Variants in SNX29 observed in about 807,000 individuals in gnomAD.
The protein encoded by SNX29 is sorting nexin-29.
A neutral mutation model predicts 102.1 loss-of-function variants in SNX29; 78 were observed. The ratio of observed to expected loss-of-function variants is 0.76; its 90% CI spans 0.64 to 0.92. SNX29 has a LOEUF of 0.92. Ranked by LOEUF, SNX29 falls within the 40% of genes least tolerant of loss-of-function variation. The pLI is 0.00. For missense variants in SNX29, 1,280 were observed against 1,061.7 expected, an observed-to-expected ratio of 1.21 and a Z score of -2.86; for synonymous variants, 580 against 414.5, an observed-to-expected ratio of 1.40 and a Z score of -4.85.
At chr16:12,009,366 G>A (rs959481605) in intron 3 of SNX29, among the ~76,000 whole-genome samples, 2 of 151,916 alleles carry the variant, frequency 1.3e-5, no homozygotes, top group South Asian at 2.1e-4. Flanking sequence ...GGATGTGTGT[G>A]AGCATGTTTT....
At chr16:12,200,346 C>A (rs1296198316) in intron 14 of SNX29, among the ~76,000 whole-genome samples, 5 of 152,148 alleles carry the variant, frequency 3.3e-5, no homozygotes, top group African/African-American at 1.2e-4. Context: ...TTTCTCAGGG[C>A]AGCCTGAAGA....
At chr16:12,333,507 A>G (rs2081356811) in intron 15 of SNX29, among the ~76,000 whole-genome samples, 6 of 152,268 alleles carry the variant, frequency 3.9e-5, no homozygotes, top group Admixed American at 3.9e-4. Flanking sequence ...GATCAATTAC[A>G]TCTGATCAAT....
At chr16:12,316,018 T>C (rs1596876545) in intron 15 of SNX29, among the ~76,000 whole-genome samples, 2 of 152,328 alleles carry the variant, frequency 1.3e-5, no homozygotes, top group Non-Finnish European at 2.9e-5. Flanking sequence ...TGTTCTCAGA[T>C]ACAGCTGAGT....
chr16:12,235,805 G>A (rs563975849), intron 14 of SNX29, among the ~76,000 whole-genome samples: 2 of 152,028 alleles, frequency 1.3e-5, no homozygotes, highest in South Asian at 2.1e-4. Context: ...GTGTGTGTGT[G>A]TGTGTATGTG....
chr16:12,416,128 C>T (rs957934703), intron 18 of SNX29, among the ~76,000 whole-genome samples: 2 of 152,164 alleles, frequency 1.3e-5, no homozygotes, highest in African/African-American at 4.8e-5. Context: ...AGGTAAGGAA[C>T]CCAGAACTGG....
chr16:12,431,717 A>T (rs940764194), intron 18 of SNX29, among the ~76,000 whole-genome samples: 2 of 152,180 alleles, frequency 1.3e-5, no homozygotes, highest in African/African-American at 4.8e-5. Flanking sequence ...TCAGAGTGTC[A>T]AGAATTGAGG....
intron 18 of SNX29, among the ~76,000 whole-genome samples, chr16:12,456,977 T>C (rs1347541323): frequency 1.3e-5 from 2 of 152,146 alleles, no homozygotes; most frequent in African/African-American, 4.8e-5. Flanking sequence ...TTGAGTTGCA[T>C]TGACAGAGTT....
intron 16 of SNX29, among the ~76,000 whole-genome samples, chr16:12,366,042 CA>C (rs55895030): frequency 0.035 from 2,522 of 71,908 alleles, 19 homozygotes; most frequent in African/African-American, 0.081. Flanking sequence ...ACTCTTGTCT[CA>C]AAAAAAAAAA....
At chr16:12,024,397 T>C (rs191253316) in intron 3 of SNX29, among the ~76,000 whole-genome samples, 6 of 152,202 alleles carry the variant, frequency 3.9e-5, no homozygotes, top group Non-Finnish European at 8.8e-5. Context: ...CCACCCGCCT[T>C]GGCCTGCCAA....
At chr16:12,373,158 A>T (rs955018765) in intron 16 of SNX29, 3 of 152,238 alleles carry the variant, frequency 2.0e-5, no homozygotes, top group Non-Finnish European at 4.4e-5. Context: ...TTTAAGAGAC[A>T]GTCTCGCTGT....
At chr16:12,157,492 CCTG>C (rs940163810) in intron 13 of SNX29, among the ~76,000 whole-genome samples, 3 of 152,258 alleles carry the variant, frequency 2.0e-5, no homozygotes, top group Non-Finnish European at 4.4e-5. Context: ...TCCTGGGTGT[CCTG>C]CTCTCCCAGA....
chr16:12,564,511 C>G (rs1027425792), intron 20 of SNX29, among the ~76,000 whole-genome samples: 2 of 152,212 alleles, frequency 1.3e-5, no homozygotes, highest in Admixed American at 6.5e-5. Flanking sequence ...AGAAGGAACT[C>G]AAGTTTTCTG....
At chr16:12,108,804 C>T (rs2053376908) in intron 11 of SNX29, among the ~76,000 whole-genome samples, 1 of 152,070 alleles carries the variant, frequency 6.6e-6, no homozygotes, top group African/African-American at 2.4e-5. Context: ...TTTTCTGTTG[C>T]TTATAACAGA....
chr16:12,218,740 A>G (rs575279606), intron 14 of SNX29, among the ~76,000 whole-genome samples: 11 of 152,122 alleles, frequency 7.2e-5, no homozygotes, highest in Non-Finnish European at 1.3e-4. Context: ...TTCCTCATAG[A>G]TGGAATTTAG....
At chr16:12,395,115 T>G (rs571044656) in intron 16 of SNX29, among the ~76,000 whole-genome samples, 62 of 152,370 alleles carry the variant, frequency 4.1e-4, no homozygotes, top group African/African-American at 1.4e-3. Context: ...TCTTCTGTCT[T>G]TCCTTTTTAT....
At chr16:12,025,426 A>G (rs1479454485) in intron 3 of SNX29, among the ~76,000 whole-genome samples, 3 of 151,672 alleles carry the variant, frequency 2.0e-5, no homozygotes, top group Non-Finnish European at 4.4e-5. Context: ...GTATTCTGGG[A>G]TCTCTGGTTC....
chr16:12,524,893 C>T lies in SNX29; in HGVS notation c.2318+52C>T. On this transcript the variant is annotated intron_variant, in intron 20 of 20. Transcript: ENST00000566228. Reference sequence around the variant, plus strand: ...CCGCCAGCCCTGCCAGCATTTTTTTCTCGGTCGTTTTGGAAGGTCAGGGAG... The same window carrying T: ...CCGCCAGCCCTGCCAGCATTTTTTTTTCGGTCGTTTTGGAAGGTCAGGGAG... 4 of 1,594,782 alleles carry T rather than the reference C, an allele frequency of 2.5e-6. No individual in the cohort carries two copies. In the South Asian group the frequency reaches 4.5e-5, roughly 18 times the overall value.
At chr16:12,172,768 G>A (rs909017981) in intron 13 of SNX29, among the ~76,000 whole-genome samples, 2 of 152,144 alleles carry the variant, frequency 1.3e-5, no homozygotes, top group African/African-American at 4.8e-5. Context: ...CGATTTAAGG[G>A]ACATGGGCAC....
chr16:12,027,638 C>T, intron 4 of SNX29, 194 bp downstream of exon 4: 1 of 601,518 alleles, frequency 1.7e-6, no homozygotes, highest in Non-Finnish European at 2.7e-6. Context: ...TAAATGAAGT[C>T]ATCTTTTGTG....
Sources: allele counts gnomAD v4.1 joint callset (sites outside exome capture counted in the v4.1 genomes callset), GRCh38; gene constraint gnomAD v4.1.1; transcripts MANE v1.5; gene names NCBI Gene and HGNC (gene_info 2026-07-23, HGNC 2026-07-21).